The following DCUN1D4 variants were observed in gnomAD, a reference collection of about 807,000 sequenced individuals.
DCUN1D4 encodes the protein DCN1-like protein 4.
A neutral mutation model predicts 47.9 loss-of-function variants in DCUN1D4; 22 were observed. That is an observed-to-expected ratio of 0.46 (90% CI 0.33 to 0.66). The LOEUF is 0.66. Among genes scored for constraint, DCUN1D4 ranks in the 30% least tolerant of loss-of-function variants. DCUN1D4 has a pLI of 0.02. For synonymous variants in DCUN1D4, 121 were observed against 112.2 expected (o/e 1.08, Z -0.50); for missense variants, 301 against 340.8 (o/e 0.88, Z 0.92).
intron 7 of DCUN1D4, among the ~76,000 whole-genome samples, chr4:51,894,601 A>G (rs1214176735): frequency 2.0e-5 from 3 of 152,182 alleles, no homozygotes; most frequent in Non-Finnish European, 2.9e-5. Context: ...TAAGCATTGT[A>G]TTTGTGAAGT....
chr4:51,892,128 C>T (rs4865414), intron 7 of DCUN1D4, among the ~76,000 whole-genome samples: 63,371 of 152,028 alleles, frequency 0.42, 15,147 homozygotes, highest in African/African-American at 0.66. Flanking sequence ...TTTTCTCATA[C>T]GAGAAAGCCA....
chr4:51,863,509 T>A lies in DCUN1D4; in HGVS notation c.96+2T>A, dbSNP rs1309396654. 1 of 1,609,992 alleles carries A rather than the reference T, an allele frequency of 6.2e-7. No individual in the cohort carries two copies. Among genetic ancestry groups the A allele is most frequent in the Non-Finnish European group, 8.5e-7 (1 of 1,177,256 alleles). On this transcript the variant is annotated splice_donor_variant, in intron 2 of 10. Transcript: ENST00000334635. LOFTEE classifies it high-confidence loss of function. The stretch of plus-strand genomic sequence containing the variant: ...ATCTACCACACCCTTAATAAGCTGG[T>A]AAGTCATTCTTTTAAAGACAAAATT...
intron 1 of DCUN1D4, among the ~76,000 whole-genome samples, chr4:51,851,673 G>A (rs959335485): frequency 1.3e-5 from 2 of 152,150 alleles, no homozygotes; most frequent in African/African-American, 4.8e-5. Context: ...GCACAGGGAG[G>A]GAGGAGGAGC....
intron 1 of DCUN1D4, chr4:51,843,632 G>GT: frequency 8.0e-7 from 1 of 1,254,292 alleles, no homozygotes; most frequent in Non-Finnish European, 1.0e-6. Context: ...GGCCGGGGAT[G>GT]TGGGGGGGTG....
At chr4:51,836,349 T>C in the DCUN1D4 span, among the ~76,000 whole-genome samples, 1 of 152,142 alleles carries the variant, frequency 6.6e-6, no homozygotes, top group African/African-American at 2.4e-5. Context: ...CAAAGTAAAA[T>C]GTAAGCATTC....
intron 8 of DCUN1D4, chr4:51,905,391 G>C (rs896851758): frequency 7.1e-5 from 18 of 253,784 alleles, no homozygotes; most frequent in African/African-American, 3.7e-4. Flanking sequence ...AATCTTGCTA[G>C]AAGAAGACGG....
chr4:51,888,445 A>G (rs1337368087), intron 6 of DCUN1D4, among the ~76,000 whole-genome samples: 1 of 152,194 alleles, frequency 6.6e-6, no homozygotes, highest in Non-Finnish European at 1.5e-5. Flanking sequence ...TGAGTCCTTT[A>G]GAACTCTATT....
intron 8 of DCUN1D4, among the ~76,000 whole-genome samples, chr4:51,910,193 T>C (rs1733516710): frequency 6.6e-6 from 1 of 152,218 alleles, no homozygotes; most frequent in Non-Finnish European, 1.5e-5. Context: ...AAGGTATGCT[T>C]ATGGTCCCAG....
intron 1 of DCUN1D4, chr4:51,844,956 G>A (rs1722287957): frequency 1.0e-6 from 1 of 985,352 alleles, no homozygotes; most frequent in Non-Finnish European, 1.2e-6. Context: ...CAGGGACGGA[G>A]CGACTCCCCA....
At chr4:51,891,626 C>G (rs1730437875) in intron 6 of DCUN1D4, 134 bp from the exon 7 acceptor site, 7 of 653,314 alleles carry the variant, frequency 1.1e-5, no homozygotes, top group Non-Finnish European at 1.7e-5. Flanking sequence ...TAACTCTGCT[C>G]ATATTTCAGT....
At chr4:51,902,608 C>A (rs1259555927) in intron 8 of DCUN1D4, among the ~76,000 whole-genome samples, 2 of 152,076 alleles carry the variant, frequency 1.3e-5, no homozygotes, top group African/African-American at 4.8e-5. Flanking sequence ...TTTTTTAAAT[C>A]TTTTACTTTT....
At chr4:51,843,796 CG>C (rs1197574484) in intron 1 of DCUN1D4, 2 of 99,220 alleles carry the variant, frequency 2.0e-5, no homozygotes, top group Non-Finnish European at 1.5e-5. Context: ...GGCTGGTTGG[CG>C]GGGGGGTGGG....
At chr4:51,853,454 A>G (rs759672108) in intron 1 of DCUN1D4, among the ~76,000 whole-genome samples, 11 of 152,134 alleles carry the variant, frequency 7.2e-5, no homozygotes, top group East Asian at 1.9e-4. Context: ...CAGCTCTGCA[A>G]TCTTTTTCCT....
chr4:51,851,839 AG>A (rs1004095283), intron 1 of DCUN1D4, among the ~76,000 whole-genome samples: 1 of 152,210 alleles, frequency 6.6e-6, no homozygotes, highest in African/African-American at 2.4e-5. Context: ...GCTGAGGTGT[AG>A]AAAGGTTAAC....
chr4:51,879,172 T>C (rs1160783107), intron 5 of DCUN1D4, among the ~76,000 whole-genome samples: 1 of 152,238 alleles, frequency 6.6e-6, no homozygotes, highest in Non-Finnish European at 1.5e-5. Context: ...GATCTGGATT[T>C]TGTTTGCGGG....
At chr4:51,870,511 T>C (rs975793900) in intron 3 of DCUN1D4, among the ~76,000 whole-genome samples, 2 of 152,184 alleles carry the variant, frequency 1.3e-5, no homozygotes, top group African/African-American at 2.4e-5. Context: ...GTACTTTTTT[T>C]TTTTTTAGAA....
chr4:51,907,892 T>C (rs1733134231), intron 8 of DCUN1D4, among the ~76,000 whole-genome samples: 1 of 152,216 alleles, frequency 6.6e-6, no homozygotes, highest in Admixed American at 6.5e-5. Context: ...TTGTGTCATC[T>C]AAGAAAAAAA....
intron 7 of DCUN1D4, among the ~76,000 whole-genome samples, chr4:51,893,767 T>G (rs1292023376): frequency 6.6e-6 from 1 of 152,180 alleles, no homozygotes; most frequent in Non-Finnish European, 1.5e-5. Context: ...TAAAGTGTCC[T>G]TGTGATGATG....
chr4:51,881,141 T>A (rs947599338), intron 5 of DCUN1D4, among the ~76,000 whole-genome samples: 2 of 151,664 alleles, frequency 1.3e-5, no homozygotes, highest in Admixed American at 1.3e-4. Flanking sequence ...AAAAAAAGAA[T>A]GAAGATGACC....
Sources: allele counts gnomAD v4.1 joint callset (sites outside exome capture counted in the v4.1 genomes callset), GRCh38; gene constraint gnomAD v4.1.1; transcripts MANE v1.5; gene names NCBI Gene and HGNC (gene_info 2026-07-23, HGNC 2026-07-21).